The following RAD18 variants were observed in gnomAD, a reference collection of about 807,000 sequenced individuals.
RAD18 encodes the protein E3 ubiquitin-protein ligase RAD18.
In RAD18, 47 loss-of-function variants were observed where a neutral mutation model predicts 60.4. The ratio of observed to expected loss-of-function variants is 0.78; its 90% CI spans 0.62 to 0.99. RAD18 has a LOEUF of 0.99. RAD18 is among the 50% of genes least tolerant of loss of function. The probability of loss-of-function intolerance (pLI) is 0.00; values close to 1 mark genes in which losing one functional copy is unlikely to be tolerated. For synonymous variants in RAD18, 225 were observed against 195.5 expected, an observed-to-expected ratio of 1.15 and a Z score of -1.26; for missense variants, 640 against 593.3, an observed-to-expected ratio of 1.08 and a Z score of -0.82.
chr3:8,930,824 C>T (rs1345753010), intron 7 of RAD18, among the ~76,000 whole-genome samples: 2 of 151,998 alleles, frequency 1.3e-5, no homozygotes, highest in East Asian at 3.9e-4. Context: ...TATATTGATG[C>T]AATAGTACTG....
Position 8,948,425 on chromosome 3 carries a change from T to C in RAD18, c.195+84A>G, listed in dbSNP as rs45492791. The C allele has an allele frequency of 1.6e-3, 1,943 of 1,212,466 alleles. 23 individuals are homozygous for C. The African/African-American group carries it at 0.025, about 16-fold the overall frequency. The allele number at this position is 1,212,466 out of a possible 1,614,324, so 75.1% of individuals were successfully genotyped here. A position where few individuals can be genotyped will look rare whatever the true frequency, so the allele number is the denominator to read the frequency against. ...AATTCAGTAACTACACATCACCCTA[T>C]ATATACACAGGCTTTTACGTATACA... is the stretch of plus-strand genomic sequence containing the variant. On this transcript the variant is annotated intron_variant, in intron 3 of 12. Coordinates refer to ENST00000264926, the MANE Select transcript of RAD18 (RefSeq NM_020165.4).
chr3:8,948,130 G>T (rs1045246813), intron 3 of RAD18, among the ~76,000 whole-genome samples: 5 of 152,168 alleles, frequency 3.3e-5, no homozygotes, highest in Non-Finnish European at 5.9e-5. Flanking sequence ...AGATAGGCCG[G>T]ATTAAGCCCA....
intron 1 of RAD18, among the ~76,000 whole-genome samples, chr3:8,961,882 T>C (rs1486894868): frequency 6.6e-6 from 1 of 152,208 alleles, no homozygotes; most frequent in African/African-American, 2.4e-5. Context: ...TGTGCTTAAA[T>C]CTACAAAGCA....
At chr3:8,888,710 C>T (rs1439580606) in intron 12 of RAD18, among the ~76,000 whole-genome samples, 4 of 152,220 alleles carry the variant, frequency 2.6e-5, no homozygotes, top group African/African-American at 9.6e-5. Flanking sequence ...AACTAGTCCT[C>T]GGACCTTGAC....
chr3:8,931,663 C>CT (rs1466456972), intron 7 of RAD18: 1 of 152,198 alleles, frequency 6.6e-6, no homozygotes, highest in Non-Finnish European at 1.5e-5. Flanking sequence ...AAAACTGAGT[C>CT]TAACATTTAT....
At chr3:8,952,255 T>C (rs1940938459) in intron 2 of RAD18, among the ~76,000 whole-genome samples, 1 of 152,210 alleles carries the variant, frequency 6.6e-6, no homozygotes, top group African/African-American at 2.4e-5. Context: ...CTCATCTAAA[T>C]ATCACCTAAA....
intron 9 of RAD18, among the ~76,000 whole-genome samples, chr3:8,911,502 A>C (rs1940104622): frequency 6.6e-6 from 1 of 152,186 alleles, no homozygotes; most frequent in Non-Finnish European, 1.5e-5. Flanking sequence ...GCAACAGAAC[A>C]ATGGTGACTT....
intron 1 of RAD18, among the ~76,000 whole-genome samples, chr3:8,961,289 C>T (rs1304161328): frequency 6.6e-6 from 1 of 152,130 alleles, no homozygotes; most frequent in African/African-American, 2.4e-5. Flanking sequence ...GAGTGGTCAG[C>T]AGACTCCCCA....
intron 7 of RAD18, among the ~76,000 whole-genome samples, chr3:8,914,561 T>A (rs939998294): frequency 2.6e-5 from 4 of 152,230 alleles, no homozygotes; most frequent in Non-Finnish European, 5.9e-5. Flanking sequence ...TTATTTTTTT[T>A]AAACCACAGA....
chr3:8,940,357 G>A (rs1940727116), intron 5 of RAD18, among the ~76,000 whole-genome samples: 1 of 152,012 alleles, frequency 6.6e-6, no homozygotes. Flanking sequence ...GGTTCCGCTA[G>A]GGGAAAAACA....
Position 8,963,363 on chromosome 3 carries a change from C to T in RAD18, c.23G>A (p.Arg8Gln), listed in dbSNP as rs778333263. The part of the protein sequence containing the change: MDSLAES[R>Q]WPPGLAVMKT... ...CATGACTGCCAGGCCCGGAGGCCACCGAGACTCGGCCAGGGAGTCCATGGT... is the reference window on the plus strand; with the variant it reads ...CATGACTGCCAGGCCCGGAGGCCACTGAGACTCGGCCAGGGAGTCCATGGT... The change falls in exon 1 of 13, where the codon CGG becomes CAG. Residue 8 changes from arginine (R) to glutamine (Q), a missense_variant. Coordinates refer to ENST00000264926, the MANE Select transcript of RAD18 (RefSeq NM_020165.4). 2.2e-5 allele frequency: 35 copies of T among 1,611,586 alleles called. No individual in the cohort carries two copies. The highest frequency in any genetic ancestry group is 2.9e-5 in the Non-Finnish European group (34 of 1,179,000).
At chr3:8,944,713 A>G (rs1378195397) in intron 4 of RAD18, among the ~76,000 whole-genome samples, 1 of 152,134 alleles carries the variant, frequency 6.6e-6, no homozygotes, top group Non-Finnish European at 1.5e-5. Flanking sequence ...CCATCTGTTA[A>G]CTATACAATA....
chr3:8,930,880 A>G (rs1207214517), intron 7 of RAD18, among the ~76,000 whole-genome samples: 1 of 152,150 alleles, frequency 6.6e-6, no homozygotes, highest in Non-Finnish European at 1.5e-5. Context: ...TTCTGGGGAG[A>G]CAGACCCTTG....
At chr3:8,906,125 TAA>T (rs1391804203) in intron 9 of RAD18, among the ~76,000 whole-genome samples, 6 of 152,168 alleles carry the variant, frequency 3.9e-5, no homozygotes, top group East Asian at 3.9e-4. Flanking sequence ...AATGAAATAA[TAA>T]AGAGAATAGA....
intron 10 of RAD18, among the ~76,000 whole-genome samples, chr3:8,901,797 A>C (rs534256612): frequency 2.6e-5 from 4 of 152,368 alleles, no homozygotes; most frequent in Admixed American, 1.3e-4. Flanking sequence ...TTAAAAAGAT[A>C]AACATTGTGT....
At chr3:8,913,424 T>C (rs748338691) in intron 8 of RAD18, among the ~76,000 whole-genome samples, 1 of 152,178 alleles carries the variant, frequency 6.6e-6, no homozygotes, top group Non-Finnish European at 1.5e-5. Context: ...TCTATAGAAC[T>C]CTAGCTCATG....
chr3:8,908,144 TTC>T (rs1442669819), intron 9 of RAD18, among the ~76,000 whole-genome samples: 1 of 152,210 alleles, frequency 6.6e-6, no homozygotes, highest in Admixed American at 6.5e-5. Context: ...GGAATGTTGG[TTC>T]TGTTTCCCTT....
Position 8,899,027 on chromosome 3 carries a change from A to C in RAD18, c.1189T>G (p.Ser397Ala), listed in dbSNP as rs1322071056. ...GATTGAGAAAAGTGGTTTGTTACTG[A>C]GGTCATATTATCTTCCTGTCCTAGG... is the stretch of plus-strand genomic sequence containing the variant. Reference protein sequence around the residue: ...VCMGQEDNMTSVTNHFSQSKL... With the variant: ...VCMGQEDNMTAVTNHFSQSKL... Residue 397 changes from serine (S) to alanine (A), a missense_variant, in exon 11 of 13, where the codon TCA becomes GCA. By Grantham distance (99) the Ser-to-Ala change is moderately conservative (BLOSUM62 1). Transcript: ENST00000264926. 6.3e-7 allele frequency: 1 copy of C among 1,599,186 alleles called. No individual in the cohort carries two copies. The highest frequency in any genetic ancestry group is 1.1e-5 in the South Asian group (1 of 87,766).
chr3:8,885,448 T>C (rs561591643), intron 12 of RAD18, among the ~76,000 whole-genome samples: 26 of 152,364 alleles, frequency 1.7e-4, no homozygotes, highest in Middle Eastern at 3.4e-3. Context: ...TAGAGAAAGT[T>C]ATTTTCTAAA....
Sources: allele counts gnomAD v4.1 joint callset (sites outside exome capture counted in the v4.1 genomes callset), GRCh38; gene constraint gnomAD v4.1.1; transcripts MANE v1.5; gene names NCBI Gene and HGNC (gene_info 2026-07-23, HGNC 2026-07-21).